Variants in ARAP1 observed in about 807,000 individuals in gnomAD.
The protein encoded by ARAP1 is ArfGAP with RhoGAP domain, ankyrin repeat and PH domain 1.
ARAP1 carries 76 observed loss-of-function variants against 172.2 expected under a neutral mutation model. The ratio of observed to expected loss-of-function variants is 0.44; its 90% CI spans 0.37 to 0.53. The LOEUF (loss-of-function observed/expected upper bound fraction) is 0.53. Among genes scored for constraint, ARAP1 ranks in the 20% least tolerant of loss-of-function variants. ARAP1 has a pLI of 0.00. For missense variants in ARAP1, 1,686 were observed against 1,977.5 expected, an observed-to-expected ratio of 0.85 and a Z score of 2.80; for synonymous variants, 804 against 803.3, an observed-to-expected ratio of 1.00 and a Z score of -0.01.
intron 22 of ARAP1, 54 bp downstream of exon 22, chr11:72,696,929 G>A (rs1032266952): frequency 5.2e-6 from 8 of 1,545,462 alleles, no homozygotes; most frequent in Middle Eastern, 1.9e-4. Flanking sequence ...GGGCGCAGGA[G>A]TCCGGAGGGA....
At chr11:72,705,105 G>C (rs76677940) in intron 13 of ARAP1, 2 of 152,204 alleles carry the variant, frequency 1.3e-5, no homozygotes, top group Non-Finnish European at 2.9e-5. Flanking sequence ...GGTGAGAAAC[G>C]GATGTGACAC....
At chr11:72,688,832 C>G (rs926595630) in intron 30 of ARAP1, 1 of 367,996 alleles carries the variant, frequency 2.7e-6, no homozygotes, top group African/African-American at 2.1e-5. Flanking sequence ...ATCCCAGCAC[C>G]ACCCTGATGC....
intron 1 of ARAP1, among the ~76,000 whole-genome samples, chr11:72,743,718 G>A (rs1324008676): frequency 6.6e-6 from 1 of 152,126 alleles, no homozygotes; most frequent in African/African-American, 2.4e-5. Flanking sequence ...CTTCCTGCTG[G>A]ACCGGCCCCT....
chr11:72,747,504 C>A (rs1858403556), intron 1 of ARAP1, among the ~76,000 whole-genome samples: 1 of 152,170 alleles, frequency 6.6e-6, no homozygotes, highest in Non-Finnish European at 1.5e-5. Context: ...GCAGTGTGGG[C>A]AGGGTCTGAA....
chr11:72,706,132 T>C (rs1380902506), intron 12 of ARAP1, among the ~76,000 whole-genome samples: 1 of 152,172 alleles, frequency 6.6e-6, no homozygotes, highest in Non-Finnish European at 1.5e-5. Flanking sequence ...CCTGGAACCA[T>C]GCTTGGCCTC....
At chr11:72,714,444 G>T in intron 3 of ARAP1, 123 bp from the exon 4 acceptor site, 2 of 974,924 alleles carry the variant, frequency 2.1e-6, no homozygotes, top group Non-Finnish European at 3.0e-6. Context: ...ACAGACAGGA[G>T]CCCTCCTGCA....
chr11:72,709,078 T>G lies in ARAP1; in HGVS notation c.1523+792A>C, dbSNP rs374886525. ...AAAAAAAAAAAAGGAAAGGCACGAGTCCTTCCTTCTTGGTTGGAGAGACAG... is the reference window on the plus strand; with the variant it reads ...AAAAAAAAAAAAGGAAAGGCACGAGGCCTTCCTTCTTGGTTGGAGAGACAG... On this transcript the variant is annotated intron_variant, in intron 11 of 34. Coordinates refer to ENST00000393609, the MANE Select transcript of ARAP1 (RefSeq NM_001040118.3). Among the ~76,000 whole-genome samples, 220 of 142,210 alleles carry G rather than the reference T, an allele frequency of 1.5e-3. 1 individual carries two copies. In the Middle Eastern group the frequency reaches 0.027, roughly 18 times the overall value. 93.3% of individuals were successfully genotyped at this position (142,210 alleles called of 152,430 possible). A position where few individuals can be genotyped will look rare whatever the true frequency, so the allele number is the denominator to read the frequency against.
Position 72,707,271 on chromosome 11 carries a change from C to A in ARAP1, c.1627G>T (p.Ala543Ser). ...STSEVAERIWAAAPNRFCADC... is the reference protein window; with the variant it reads ...STSEVAERIWSAAPNRFCADC... ...GCACAGAACCTGTTGGGGGCTGCAGCCCAGATGCGCTCGGCCACCTCCGAG... is the reference window on the plus strand; with the variant it reads ...GCACAGAACCTGTTGGGGGCTGCAGACCAGATGCGCTCGGCCACCTCCGAG... The change falls in exon 12 of 35, where the codon GCT becomes TCT. Residue 543 changes from alanine (A) to serine (S), a missense_variant. Physicochemically the swap from Ala to Ser is moderately conservative, Grantham distance 99. Coordinates refer to ENST00000393609, the MANE Select transcript of ARAP1 (RefSeq NM_001040118.3). 1 of 1,613,362 alleles carries A rather than the reference C, an allele frequency of 6.2e-7. No homozygotes were observed. Among genetic ancestry groups the A allele is most frequent in the Non-Finnish European group, 8.5e-7 (1 of 1,179,748 alleles).
At chr11:72,732,390 C>T (rs1857894109) in intron 2 of ARAP1, 125 bp downstream of exon 2, 1 of 152,448 alleles carries the variant, frequency 6.6e-6, no homozygotes, top group Non-Finnish European at 1.5e-5. Context: ...GCCTCTCAAG[C>T]TCAGTTCTCA....
Position 72,726,548 on chromosome 11 carries a change from G to A in ARAP1, c.509+72C>T. On this transcript the variant is annotated intron_variant, in intron 3 of 34. Coordinates refer to ENST00000393609, the MANE Select transcript of ARAP1 (RefSeq NM_001040118.3). This position sits in a 1 kb window ranked among gnomAD's most constrained non-coding sequence, Gnocchi z 6.5. The stretch of plus-strand genomic sequence containing the variant: ...TGCCTTTCTTACCCCAGCACCAAAG[G>A]CCACAAACTCCCCATCTACCCTCTG... 1 of 1,435,892 alleles carries A rather than the reference G, an allele frequency of 7.0e-7. No homozygotes were observed. Among genetic ancestry groups the A allele is most frequent in the Non-Finnish European group, 9.1e-7 (1 of 1,096,568 alleles). 88.9% of individuals were successfully genotyped at this position (1,435,892 alleles called of 1,614,324 possible). A position where few individuals can be genotyped will look rare whatever the true frequency, so the allele number is the denominator to read the frequency against.
At chr11:72,692,123 C>T (rs1565209460) in intron 30 of ARAP1, among the ~76,000 whole-genome samples, 1 of 152,150 alleles carries the variant, frequency 6.6e-6, no homozygotes, top group East Asian at 1.9e-4. Context: ...CAAGGCATAG[C>T]TGGGACCCAT....
At chr11:72,724,024 G>C (rs1307438078) in intron 3 of ARAP1, among the ~76,000 whole-genome samples, 1 of 152,142 alleles carries the variant, frequency 6.6e-6, no homozygotes, top group Non-Finnish European at 1.5e-5. Flanking sequence ...AGCAGTAATT[G>C]AGCACAAAGG....
intron 3 of ARAP1, among the ~76,000 whole-genome samples, chr11:72,719,196 CA>C (rs1231397438): frequency 6.6e-6 from 1 of 152,188 alleles, no homozygotes; most frequent in Non-Finnish European, 1.5e-5. Context: ...TCCCATGGGC[CA>C]CCAGGTCTCA....
rs1858180226 is a variant in ARAP1 at position 72,741,058 on chromosome 11, T to C, written c.-127-8461A>G. 8.0e-6 allele frequency among the ~76,000 whole-genome samples: 1 copy of C among 125,680 alleles called. No individual in the cohort carries two copies. The allele number at this position is 125,680 out of a possible 152,430, so 82.5% of individuals were successfully genotyped here. A position where few individuals can be genotyped will look rare whatever the true frequency, so the allele number is the denominator to read the frequency against. On this transcript the variant is annotated intron_variant, in intron 1 of 34. Transcript: ENST00000393609. The surrounding 1 kb of genome is among the most constrained non-coding windows in gnomAD (Gnocchi z 4.5). ...CTTTGTCAAAAAGCCTATCACATAC[T>C]ATGCCCCTCTGGCCCCACCACATAC...
chr11:72,716,838 C>T (rs548619534), intron 3 of ARAP1, among the ~76,000 whole-genome samples: 7 of 152,296 alleles, frequency 4.6e-5, no homozygotes, highest in Middle Eastern at 3.4e-3. Flanking sequence ...ACTGCCCTGG[C>T]GGCAAGCTGC....
intron 1 of ARAP1, among the ~76,000 whole-genome samples, chr11:72,743,206 T>C (rs1362625145): frequency 6.6e-6 from 1 of 152,258 alleles, no homozygotes; most frequent in Non-Finnish European, 1.5e-5. Flanking sequence ...GTATCTTCCA[T>C]GGCTAGGACA....
intron 12 of ARAP1, among the ~76,000 whole-genome samples, chr11:72,706,095 C>T (rs1200154372): frequency 6.6e-6 from 1 of 152,192 alleles, no homozygotes; most frequent in East Asian, 1.9e-4. Flanking sequence ...TGCCTGGGCT[C>T]CTGCACCAGC....
At chr11:72,690,754 T>C (rs1855900826) in intron 30 of ARAP1, among the ~76,000 whole-genome samples, 1 of 152,204 alleles carries the variant, frequency 6.6e-6, no homozygotes, top group South Asian at 2.1e-4. Flanking sequence ...ACAATGACGT[T>C]TACTCTTGAT....
chr11:72,697,311 G>A lies in ARAP1; in HGVS notation c.2953+12C>T. The A allele has an allele frequency of 6.3e-7, 1 of 1,579,298 alleles. No homozygotes were observed. Among genetic ancestry groups the A allele is most frequent in the Non-Finnish European group, 8.6e-7 (1 of 1,162,186 alleles). On this transcript the variant is annotated intron_variant, in intron 21 of 34. Coordinates refer to ENST00000393609, the MANE Select transcript of ARAP1 (RefSeq NM_001040118.3). ...GGAGGGGCGGGGCTGGCACCCTAGG[G>A]GCAGGGCTCACCGCACTGCGTGATG...
Sources: gnomAD v4.1 joint callset for allele counts (sites outside exome capture counted in the v4.1 genomes callset) on GRCh38, gnomAD v4.1.1 for gene constraint, Gnocchi (gnomAD v3.1) non-coding constraint, MANE v1.5 for transcripts, NCBI Gene and HGNC (gene_info 2026-07-23, HGNC 2026-07-21) for gene names.